PHF3: variants seen among roughly 807,000 people sequenced by gnomAD.
PHF3 encodes PHD finger protein 3.
PHF3 carries 41 observed loss-of-function variants against 178.4 expected under a neutral mutation model. The observed-to-expected ratio is 0.23, with a 90% CI of 0.18 to 0.30. PHF3 has a LOEUF of 0.30. Ranked by LOEUF, PHF3 falls within the 10% of genes least tolerant of loss-of-function variation. The pLI is 1.00. For synonymous variants in PHF3, 842 were observed against 800.5 expected (o/e 1.05, Z -0.88); for missense variants, 2,346 against 2,398.1 (o/e 0.98, Z 0.45).
rs1158644838 is a variant in PHF3, at chr6:63,716,262, T to C, written c.*2554T>C. 6.6e-6 allele frequency among the ~76,000 whole-genome samples: 1 copy of C among 152,182 alleles called. No homozygotes were observed. The highest frequency in any genetic ancestry group is 1.9e-4 in the East Asian group (1 of 5,204). ...AGGAATCCTACCTAGCTCAGTTCTT[T>C]TCTCTAAAGTCCATGTGCTTAGCAA... On this transcript the variant is annotated 3_prime_UTR_variant, in exon 16 of 16. Transcript: ENST00000262043.
chr6:63,692,934 A>G (rs1767069205), intron 5 of PHF3, among the ~76,000 whole-genome samples: 1 of 152,216 alleles, frequency 6.6e-6, no homozygotes, highest in South Asian at 2.1e-4. Context: ...GAAGAGCATG[A>G]GGATGTGTTC....
Position 63,713,638 on chromosome 6 carries a change from A to G in PHF3, c.6050A>G (p.Glu2017Gly), listed in dbSNP as rs761410033. ...GAACGAGAGAAAAGTAAACACAGAG[A>G]AGGAGAAAAGGACAGGGATAGGTAC... is the stretch of plus-strand genomic sequence containing the variant. The part of the protein sequence containing the change: ...DKEREKSKHR[E>G]GEKDRDRYHK... The change falls in exon 16 of 16, where the codon GAA becomes GGA. Residue 2017 changes from glutamate to glycine, a missense_variant. By Grantham distance (98) the Glu-to-Gly change is moderately conservative (BLOSUM62 -2). Around this residue, in one of 8 missense-constraint regions of PHF3, gnomAD observed 839 missense variants for 806.9 expected, o/e 1.04. Coordinates refer to ENST00000262043, the MANE Select transcript of PHF3 (RefSeq NM_001370348.2). 4.3e-6 allele frequency: 7 copies of G among 1,612,118 alleles called. No homozygotes were observed. Among genetic ancestry groups the G allele is most frequent in the African/African-American group, 1.3e-5 (1 of 74,782 alleles).
intron 12 of PHF3, 25 bp downstream of exon 12, chr6:63,706,249 G>A: frequency 2.6e-6 from 4 of 1,540,978 alleles, no homozygotes; most frequent in Admixed American, 1.8e-5. Context: ...TGTAAATTCT[G>A]TAATACTCAT....
chr6:63,665,162 A>G (rs1274607800), intron 2 of PHF3, among the ~76,000 whole-genome samples: 1 of 152,134 alleles, frequency 6.6e-6, no homozygotes, highest in Non-Finnish European at 1.5e-5. Context: ...CAATTTTCTT[A>G]GCCCGAGTTT....
intron 2 of PHF3, among the ~76,000 whole-genome samples, chr6:63,658,380 T>C (rs1390443177): frequency 6.6e-6 from 1 of 152,184 alleles, no homozygotes; most frequent in East Asian, 1.9e-4. Flanking sequence ...TTACAGGTTT[T>C]TACCTTCTGT....
rs1768412072 is a variant in PHF3 at position 63,721,898 on chromosome 6, A to G, written c.*8190A>G. 4 of 1,087,048 alleles carry G rather than the reference A, an allele frequency of 3.7e-6. No homozygotes were observed. The highest frequency in any genetic ancestry group is 1.3e-6 in the Non-Finnish European group (1 of 773,070). 67.3% of individuals were successfully genotyped at this position (1,087,048 alleles called of 1,614,324 possible). On this transcript the variant is annotated 3_prime_UTR_variant, in exon 16 of 16. Transcript: ENST00000262043. ...AGTTGGATAAGTTTTAGTTATGGGG[A>G]AAAAAGTAACAGATCTTGAGCACAA...
At chr6:63,672,279 G>A (rs1765952216) in intron 2 of PHF3, among the ~76,000 whole-genome samples, 1 of 152,066 alleles carries the variant, frequency 6.6e-6, no homozygotes, top group African/African-American at 2.4e-5. Context: ...CAATTAGGAA[G>A]CAATCCATAA....
At chr6:63,707,299 T>C (rs548468384) in intron 13 of PHF3, among the ~76,000 whole-genome samples, 2 of 152,372 alleles carry the variant, frequency 1.3e-5, no homozygotes, top group South Asian at 4.1e-4. Context: ...CTACTGTTCT[T>C]ACCTGCCTAT....
Position 63,721,010 on chromosome 6 carries a change from A to G in PHF3, c.*7302A>G. The G allele has an allele frequency of 6.4e-7, 1 of 1,551,342 alleles. No homozygotes were observed. The highest frequency in any genetic ancestry group is 8.7e-7 in the Non-Finnish European group (1 of 1,146,794). ...GATTATGGAGACCAATTGCCAGAAAATCATTTTCTTCATTTTGAGCTATTC... is the reference window on the plus strand; with the variant it reads ...GATTATGGAGACCAATTGCCAGAAAGTCATTTTCTTCATTTTGAGCTATTC... On this transcript the variant is annotated 3_prime_UTR_variant, in exon 16 of 16. Coordinates refer to ENST00000262043, the MANE Select transcript of PHF3 (RefSeq NM_001370348.2).
chr6:63,710,477 C>G (rs1049514300), intron 14 of PHF3, among the ~76,000 whole-genome samples: 4 of 152,112 alleles, frequency 2.6e-5, no homozygotes, highest in African/African-American at 9.7e-5. Context: ...AAATCTGGCT[C>G]TCCCATTTCG....
rs1764306233 is a variant in PHF3, at chr6:63,635,878, G to A, written c.-298G>A. 2 of 397,646 alleles carry A rather than the reference G, an allele frequency of 5.0e-6. No homozygotes were observed. Among genetic ancestry groups the A allele is most frequent in the East Asian group, 3.6e-5 (1 of 27,984 alleles). The allele number at this position is 397,646 out of a possible 1,614,324, so 24.6% of individuals were successfully genotyped here. A position where few individuals can be genotyped will look rare whatever the true frequency, so the allele number is the denominator to read the frequency against. ...GCCGATGGCTGCGGGGTCTCGCGCCGTCGCACCGTCCCCACGCGGCAAGCG... is the reference window on the plus strand; with the variant it reads ...GCCGATGGCTGCGGGGTCTCGCGCCATCGCACCGTCCCCACGCGGCAAGCG... On this transcript the variant is annotated 5_prime_UTR_variant, in exon 1 of 16. Transcript: ENST00000262043.
In PHF3 at chr6:63,721,883, G is replaced by A; in HGVS notation, c.*8175G>A. 1 of 1,286,126 alleles carries A rather than the reference G, an allele frequency of 7.8e-7. No homozygotes were observed. Among genetic ancestry groups the A allele is most frequent in the Non-Finnish European group, 1.1e-6 (1 of 951,336 alleles). The allele number at this position is 1,286,126 out of a possible 1,614,324, so 79.7% of individuals were successfully genotyped here. A position where few individuals can be genotyped will look rare whatever the true frequency, so the allele number is the denominator to read the frequency against. ...TGCTGTTTCTGGCCAAGTTGGATAA[G>A]TTTTAGTTATGGGGAAAAAAGTAAC... On this transcript the variant is annotated 3_prime_UTR_variant, in exon 16 of 16. Coordinates refer to ENST00000262043, the MANE Select transcript of PHF3 (RefSeq NM_001370348.2).
chr6:63,671,602 A>G (rs978931414), intron 2 of PHF3, among the ~76,000 whole-genome samples: 1 of 152,206 alleles, frequency 6.6e-6, no homozygotes, highest in Non-Finnish European at 1.5e-5. Context: ...AGTAAAGTAC[A>G]TTCCAAGCAG....
rs1275241589 is a variant in PHF3 at position 63,646,634 on chromosome 6, A to G, written c.83A>G (p.Asn28Ser). ...CTATTTCTAGGATCCAACCTGGAGA[A>G]TGAAGTCTGTGAGGATTTTAGTGCA... ...DALFLGSNLENEVCEDFSASQ... is the reference protein window; with the variant it reads ...DALFLGSNLESEVCEDFSASQ... Residue 28 changes from asparagine to serine, a missense_variant, in exon 2 of 16, where the codon AAT (asparagine) becomes AGT (serine). Transcript: ENST00000262043. 4 of 1,613,904 alleles carry G rather than the reference A, an allele frequency of 2.5e-6. No individual in the cohort carries two copies. The highest frequency in any genetic ancestry group is 3.4e-6 in the Non-Finnish European group (4 of 1,179,906).
rs1355628208 is a variant in PHF3 at position 63,718,124 on chromosome 6, T to G, written c.*4416T>G. ...TTAAGGTGAAAAATATATTTTCAAG[T>G]CATTTTGATTTATAGGAGAAAAGGC... On this transcript the variant is annotated 3_prime_UTR_variant, in exon 16 of 16. Coordinates refer to ENST00000262043, the MANE Select transcript of PHF3 (RefSeq NM_001370348.2). 1.3e-5 allele frequency among the ~76,000 whole-genome samples: 2 copies of G among 152,044 alleles called. No individual in the cohort carries two copies. The highest frequency in any genetic ancestry group is 2.9e-5 in the Non-Finnish European group (2 of 67,954).
intron 11 of PHF3, among the ~76,000 whole-genome samples, chr6:63,705,450 G>A (rs1010744345): frequency 6.6e-6 from 1 of 152,196 alleles, no homozygotes; most frequent in Non-Finnish European, 1.5e-5. Context: ...ATGCAGTGGC[G>A]TTAGGTTCTC....
At chr6:63,636,223 G>C (rs1434399558) in intron 1 of PHF3, 73 bp downstream of exon 1, 3 of 332,902 alleles carry the variant, frequency 9.0e-6, no homozygotes, top group African/African-American at 6.4e-5. Context: ...CACACGCACA[G>C]CGCCTCCGCG....
intron 4 of PHF3, among the ~76,000 whole-genome samples, chr6:63,690,971 T>G (rs906095369): frequency 2.0e-5 from 3 of 152,134 alleles, no homozygotes; most frequent in African/African-American, 7.2e-5. Context: ...AAAACTTTTA[T>G]AAGGAGATTG....
intron 6 of PHF3, 121 bp downstream of exon 6, chr6:63,694,885 T>A: frequency 4.0e-6 from 2 of 500,152 alleles, no homozygotes; most frequent in Admixed American, 4.6e-5. Context: ...GTATTGCCAT[T>A]AAGGCAATAC....
Sources: gnomAD v4.1 joint callset for allele counts (sites outside exome capture counted in the v4.1 genomes callset) on GRCh38, gnomAD v4.1.1 for gene constraint, gnomAD v4.1.1 regional missense constraint, MANE v1.5 for transcripts, NCBI Gene and HGNC (gene_info 2026-07-23, HGNC 2026-07-21) for gene names.